The following TSPAN33 variants were observed in gnomAD, a reference collection of about 807,000 sequenced individuals.
The protein encoded by TSPAN33 is tetraspanin 33, also known as tetraspanin-33.
Under a neutral mutation model 34.8 loss-of-function variants are expected in TSPAN33, and 27 were observed. The ratio of observed to expected loss-of-function variants is 0.78; its 90% CI spans 0.57 to 1.07. The LOEUF is 1.07. Among genes scored for constraint, TSPAN33 ranks in the 50% least tolerant of loss-of-function variants. The pLI, the probability that TSPAN33 is intolerant of heterozygous loss-of-function variation, is 0.00. For synonymous variants in TSPAN33, 119 were observed against 124.2 expected (o/e 0.96, Z 0.28); for missense variants, 272 against 324.9 (o/e 0.84, Z 1.25).
At chr7:129,166,656 A>T in intron 5 of TSPAN33, 122 bp from the exon 6 acceptor site, 1 of 1,278,558 alleles carries the variant, frequency 7.8e-7, no homozygotes, top group Non-Finnish European at 1.1e-6. Flanking sequence ...AGGCTGTGTT[A>T]AAACACAACC....
At chr7:129,162,252 A>C in intron 2 of TSPAN33, 142 bp from the exon 3 acceptor site, 1 of 1,252,874 alleles carries the variant, frequency 8.0e-7, no homozygotes, top group Non-Finnish European at 1.1e-6. Context: ...GGACAGGGGT[A>C]CTGCCTCCCC....
chr7:129,163,039 T>TC (rs1793076345), intron 4 of TSPAN33, 132 bp downstream of exon 4: 1 of 777,372 alleles, frequency 1.3e-6, no homozygotes, highest in African/African-American at 1.7e-5. Flanking sequence ...AAAAGTTCAT[T>TC]AGGGGTGAAT....
chr7:129,159,856 G>A (rs1268474228), intron 1 of TSPAN33, among the ~76,000 whole-genome samples: 3 of 152,186 alleles, frequency 2.0e-5, no homozygotes, highest in Non-Finnish European at 2.9e-5. Flanking sequence ...CTGAGTTAGA[G>A]GCATGGTCAA....
At chr7:129,145,972 G>A (rs1810515047) in intron 1 of TSPAN33, among the ~76,000 whole-genome samples, 1 of 151,918 alleles carries the variant, frequency 6.6e-6, no homozygotes, top group South Asian at 2.1e-4. Flanking sequence ...ATGCCAGCTC[G>A]ACCCTGTTTC....
intron 1 of TSPAN33, 93 bp downstream of exon 1, chr7:129,145,175 C>T: frequency 2.1e-6 from 1 of 483,312 alleles, no homozygotes; most frequent in Non-Finnish European, 3.8e-6. Flanking sequence ...AGCCGCACTG[C>T]CGAGTTTTCT....
At chr7:129,161,817 C>T in intron 2 of TSPAN33, 81 bp downstream of exon 2, 3 of 1,572,212 alleles carry the variant, frequency 1.9e-6, no homozygotes, top group East Asian at 2.2e-5. Flanking sequence ...GGCCCTCACA[C>T]ATAAGCTATG....
chr7:129,159,147 G>A (rs962727130), intron 1 of TSPAN33, among the ~76,000 whole-genome samples: 3 of 150,866 alleles, frequency 2.0e-5, no homozygotes, highest in Non-Finnish European at 4.4e-5. Flanking sequence ...TGCAACCTCC[G>A]CCTCCCAGGT....
At chr7:129,161,989 C>T (rs1185632255) in intron 2 of TSPAN33, among the ~76,000 whole-genome samples, 1 of 152,194 alleles carries the variant, frequency 6.6e-6, no homozygotes, top group African/African-American at 2.4e-5. Flanking sequence ...AGGTAGGCCC[C>T]TGGGAGCAGA....
intron 1 of TSPAN33, among the ~76,000 whole-genome samples, chr7:129,156,151 A>G (rs1383052090): frequency 1.3e-5 from 2 of 152,060 alleles, no homozygotes; most frequent in Admixed American, 6.6e-5. Context: ...TATTTTGTAG[A>G]ATGTCCCTTT....
In TSPAN33 at chr7:129,167,605, G is replaced by A; in HGVS notation, c.750+45G>A. ...TTGTTGGTCCCACACACTCTGTAAA[G>A]ACTCCTTTGTTTTGGGGAAGGCACC... On this transcript the variant is annotated intron_variant, in intron 7 of 7. Transcript: ENST00000486685. The surrounding 1 kb of genome is among the most constrained non-coding windows in gnomAD (Gnocchi z 4.6). The A allele has an allele frequency of 6.2e-7, 1 of 1,601,468 alleles. No homozygotes were observed. Among genetic ancestry groups the A allele is most frequent in the Non-Finnish European group, 8.5e-7 (1 of 1,171,836 alleles).
chr7:129,159,514 T>G (rs889487672), intron 1 of TSPAN33, among the ~76,000 whole-genome samples: 2 of 152,118 alleles, frequency 1.3e-5, no homozygotes, highest in African/African-American at 4.8e-5. Context: ...CTGGTGAAAA[T>G]TTGACATGAA....
In TSPAN33 at chr7:129,167,494, G is replaced by A. The variant is rs1563139786; in HGVS notation, c.684G>A (p.Leu228=). ...VIYTNGCIDK[L]VNWIHSNLFL... is the part of the protein sequence containing the mutation. ...ACACCAATGGCTGTATTGACAAGTT[G>A]GTCAACTGGATACACAGCAACCTAT... is the stretch of plus-strand genomic sequence containing the variant. The change falls in exon 7 of 8, where the codon TTG becomes TTA. Residue 228 remains leucine, a synonymous_variant. Transcript: ENST00000486685. This position sits in a 1 kb window ranked among gnomAD's most constrained non-coding sequence, Gnocchi z 4.6. The A allele has an allele frequency of 6.2e-7, 1 of 1,614,200 alleles. No homozygotes were observed. Among genetic ancestry groups the A allele is most frequent in the Non-Finnish European group, 8.5e-7 (1 of 1,180,022 alleles).
intron 4 of TSPAN33, among the ~76,000 whole-genome samples, chr7:129,163,732 G>A (rs1361944953): frequency 1.3e-5 from 2 of 152,156 alleles, no homozygotes; most frequent in African/African-American, 2.4e-5. Flanking sequence ...TTGGGAGGCT[G>A]AGGCGGGCAG....
Position 129,167,281 on chromosome 7 carries a change from C to A in TSPAN33, c.589-118C>A. ...TGGCAACTTCCAACCCAATATCCTC[C>A]ACATATATTCTCTGACAATTTAGGA... On this transcript the variant is annotated intron_variant, in intron 6 of 7. Transcript: ENST00000486685. The surrounding 1 kb of genome is among the most constrained non-coding windows in gnomAD (Gnocchi z 4.6). 1 of 1,265,732 alleles carries A rather than the reference C, an allele frequency of 7.9e-7. No homozygotes were observed. The highest frequency in any genetic ancestry group is 1.1e-6 in the Non-Finnish European group (1 of 907,304). 78.4% of individuals were successfully genotyped at this position (1,265,732 alleles called of 1,614,324 possible). A position where few individuals can be genotyped will look rare whatever the true frequency, so the allele number is the denominator to read the frequency against.
chr7:129,145,136 A>T, intron 1 of TSPAN33, 54 bp downstream of exon 1: 1 of 610,774 alleles, frequency 1.6e-6, no homozygotes, highest in Non-Finnish European at 3.0e-6. Context: ...GCGGGGTGGA[A>T]GGGTGGCCCG....
rs764171931 is a variant in TSPAN33, at chr7:129,148,707, C to T, written c.102+3625C>T. Among the ~76,000 whole-genome samples the T allele has an allele frequency of 2.0e-4, 31 of 152,212 alleles. No individual in the cohort carries two copies. Among genetic ancestry groups the T allele is most frequent in the Non-Finnish European group, 4.1e-4 (28 of 68,036 alleles). On this transcript the variant is annotated intron_variant, in intron 1 of 7. Coordinates refer to ENST00000486685, the MANE Select transcript of TSPAN33 (RefSeq NM_178562.5). This position sits in a 1 kb window ranked among gnomAD's most constrained non-coding sequence, Gnocchi z 4.2. Reference sequence around the variant, plus strand: ...CAGCCATCCCCTCCTCAGAGCCACACGTACTTACTGCCTACAGCATCTGGA... The same window carrying T: ...CAGCCATCCCCTCCTCAGAGCCACATGTACTTACTGCCTACAGCATCTGGA...
chr7:129,150,890 T>G (rs1487186382), intron 1 of TSPAN33, among the ~76,000 whole-genome samples: 2 of 152,010 alleles, frequency 1.3e-5, no homozygotes, highest in Admixed American at 6.6e-5. Flanking sequence ...TTTGCTCACA[T>G]TCTCACCATA....
rs112322069 is a variant in TSPAN33, at chr7:129,148,224, C to G, written c.102+3142C>G. 0.036 allele frequency among the ~76,000 whole-genome samples: 5,486 copies of G among 152,286 alleles called. 178 individuals are homozygous for G. Among genetic ancestry groups the G allele is most frequent in the Middle Eastern group, 0.11 (31 of 292 alleles). On this transcript the variant is annotated intron_variant, in intron 1 of 7. Coordinates refer to ENST00000486685, the MANE Select transcript of TSPAN33 (RefSeq NM_178562.5). The surrounding 1 kb of genome is among the most constrained non-coding windows in gnomAD (Gnocchi z 4.2). ...GGCAGCAGTTGGCTGGCTTTTGAGT[C>G]AGGCAGAGCCCAGAAGCTCAGACCT...
intron 1 of TSPAN33, among the ~76,000 whole-genome samples, chr7:129,145,377 G>T (rs571556027): frequency 1.2e-4 from 19 of 152,040 alleles, no homozygotes; most frequent in South Asian, 4.1e-4. Context: ...GCCCAAGGCG[G>T]ACCCACTGAC....
Sources: gnomAD v4.1 joint callset for allele counts (sites outside exome capture counted in the v4.1 genomes callset) on GRCh38, gnomAD v4.1.1 for gene constraint, Gnocchi (gnomAD v3.1) non-coding constraint, MANE v1.5 for transcripts, NCBI Gene and HGNC (gene_info 2026-07-23, HGNC 2026-07-21) for gene names.